RPL23: variants seen among roughly 807,000 people sequenced by gnomAD.
RPL23 encodes large ribosomal subunit protein uL14.
For missense variants in RPL23, 79 were observed against 178.8 expected, an observed-to-expected ratio of 0.44 and a Z score of 3.18; for synonymous variants, 63 against 65.3, an observed-to-expected ratio of 0.97 and a Z score of 0.17.
chr17:38,851,568 A>G (rs534411882), intron 3 of RPL23: 18 of 152,294 alleles, frequency 1.2e-4, no homozygotes, highest in African/African-American at 2.9e-4. Context: ...CCCTCCTGCC[A>G]TCTCATCTAC....
chr17:38,848,648 A>G lies in RPL23; in HGVS notation c.*1484T>C, dbSNP rs1912920930. Reference sequence around the variant, plus strand: ...TTCACAATTCTGATGTCTGAGTCCTATTCTGCAGTCTGACTTAATTGGTCT... The same window carrying G: ...TTCACAATTCTGATGTCTGAGTCCTGTTCTGCAGTCTGACTTAATTGGTCT... On this transcript the variant is annotated 3_prime_UTR_variant, in exon 5 of 5. Coordinates refer to ENST00000479035, the MANE Select transcript of RPL23 (RefSeq NM_000978.4). The G allele has an allele frequency of 6.6e-6, 1 of 152,254 alleles. No homozygotes were observed. The highest frequency in any genetic ancestry group is 1.5e-5 in the Non-Finnish European group (1 of 68,094). The allele number at this position is 152,254 out of a possible 1,614,324, so 9.4% of individuals were successfully genotyped here.
chr17:38,848,050 G>T lies in RPL23; in HGVS notation c.*2082C>A. The T allele has an allele frequency of 6.5e-7, 1 of 1,541,534 alleles. No individual in the cohort carries two copies. The highest frequency in any genetic ancestry group is 1.2e-5 in the South Asian group (1 of 82,120). ...TTACTGCACTCCAGCCTGTGTGACA[G>T]AGCAAGACTGCCTCAGAAAAGATAA... On this transcript the variant is annotated 3_prime_UTR_variant, in exon 5 of 5. Coordinates refer to ENST00000479035, the MANE Select transcript of RPL23 (RefSeq NM_000978.4).
Position 38,849,507 on chromosome 17 carries a change from T to C in RPL23, c.*625A>G, listed in dbSNP as rs2143675407. ...GGTGCGCCACCACGCCCAGCTAATT[T>C]TTGTATTTTTAGAAAAGAGGAGGTT... On this transcript the variant is annotated 3_prime_UTR_variant, in exon 5 of 5. Coordinates refer to ENST00000479035, the MANE Select transcript of RPL23 (RefSeq NM_000978.4). 6.6e-6 allele frequency: 1 copy of C among 152,194 alleles called. No homozygotes were observed. The highest frequency in any genetic ancestry group is 1.5e-5 in the Non-Finnish European group (1 of 68,026). 9.4% of individuals were successfully genotyped at this position (152,194 alleles called of 1,614,324 possible).
intron 3 of RPL23, chr17:38,851,265 G>A (rs1912994374): frequency 6.6e-6 from 1 of 152,140 alleles, no homozygotes. Flanking sequence ...AAATAGATAA[G>A]TCTAACCAAG....
In RPL23 at chr17:38,848,119, T is replaced by C. The variant is rs1433789689; in HGVS notation, c.*2013A>G. ...ATTAGTGGTTAATATATAAGGATCA[T>C]ATATTGCCATAATATATAAAGACAT... is the stretch of plus-strand genomic sequence containing the variant. On this transcript the variant is annotated 3_prime_UTR_variant, in exon 5 of 5. Coordinates refer to ENST00000479035, the MANE Select transcript of RPL23 (RefSeq NM_000978.4). 1 of 1,447,746 alleles carries C rather than the reference T, an allele frequency of 6.9e-7. No homozygotes were observed. The highest frequency in any genetic ancestry group is 1.4e-5 in the African/African-American group (1 of 69,722). 89.7% of individuals were successfully genotyped at this position (1,447,746 alleles called of 1,614,324 possible).
At position 38,847,901 on chromosome 17, in the gene RPL23, A is replaced by G; in HGVS notation, c.*2231T>C. On this transcript the variant is annotated 3_prime_UTR_variant, in exon 5 of 5. Coordinates refer to ENST00000479035, the MANE Select transcript of RPL23 (RefSeq NM_000978.4). Reference sequence around the variant, plus strand: ...AGTTTTTTAATCCAAGTCAAAAAAAATCTCCAAAGAATAAAATGTGAGGTG... The same window carrying G: ...AGTTTTTTAATCCAAGTCAAAAAAAGTCTCCAAAGAATAAAATGTGAGGTG... 2.0e-6 allele frequency: 3 copies of G among 1,498,344 alleles called. No homozygotes were observed. The highest frequency in any genetic ancestry group is 2.7e-6 in the Non-Finnish European group (3 of 1,124,486). The allele number at this position is 1,498,344 out of a possible 1,614,324, so 92.8% of individuals were successfully genotyped here.
Position 38,849,961 on chromosome 17 carries a change from T to A in RPL23, c.*171A>T. The A allele has an allele frequency of 3.7e-6, 2 of 533,426 alleles. No homozygotes were observed. Among genetic ancestry groups the A allele is most frequent in the Non-Finnish European group, 3.3e-6 (1 of 306,114 alleles). The allele number at this position is 533,426 out of a possible 1,614,324, so 33.0% of individuals were successfully genotyped here. The stretch of plus-strand genomic sequence containing the variant: ...GGTGAAACCCTGTCTCCACCAAAAA[T>A]ACAAAAACTAGCCAGGCATGACGGC... On this transcript the variant is annotated 3_prime_UTR_variant, in exon 5 of 5. Coordinates refer to ENST00000479035, the MANE Select transcript of RPL23 (RefSeq NM_000978.4).
Position 38,849,990 on chromosome 17 carries a change from T to C in RPL23, c.*142A>G, listed in dbSNP as rs1598092477. ...AAAACTAGCCAGGCATGACGGCAGGTGCCTGTAATCCCAGCTACTTAGGAG... is the reference window on the plus strand; with the variant it reads ...AAAACTAGCCAGGCATGACGGCAGGCGCCTGTAATCCCAGCTACTTAGGAG... On this transcript the variant is annotated 3_prime_UTR_variant, in exon 5 of 5. Coordinates refer to ENST00000479035, the MANE Select transcript of RPL23 (RefSeq NM_000978.4). 1 of 591,798 alleles carries C rather than the reference T, an allele frequency of 1.7e-6. No homozygotes were observed. The highest frequency in any genetic ancestry group is 1.9e-5 in the African/African-American group (1 of 52,068). The allele number at this position is 591,798 out of a possible 1,614,324, so 36.7% of individuals were successfully genotyped here.
chr17:38,852,991 G>A (rs371656936), intron 2 of RPL23, 31 bp downstream of exon 2: 3 of 1,595,550 alleles, frequency 1.9e-6, no homozygotes, highest in East Asian at 2.2e-5. Flanking sequence ...GCTTTTAAAA[G>A]GGGGAGTATA....
At chr17:38,852,519 G>T (rs1382954031) in intron 3 of RPL23, 85 bp downstream of exon 3, 6 of 1,529,380 alleles carry the variant, frequency 3.9e-6, no homozygotes, top group Non-Finnish European at 3.6e-6. Context: ...CAAACTTGAG[G>T]CCTTGAAAAC....
In RPL23 at chr17:38,853,029, G is replaced by A. The variant is rs777615381; in HGVS notation, c.90C>T (p.Asp30=). 1 of 1,614,084 alleles carries A rather than the reference G, an allele frequency of 6.2e-7. No individual in the cohort carries two copies. Among genetic ancestry groups the A allele is most frequent in the Admixed American group, 1.7e-5 (1 of 60,026 alleles). The stretch of plus-strand genomic sequence containing the variant: ...AACGTGCAAAGACCTCACCTGTGTT[G>A]TCAGCACAATTGATTACAGCTCCTA... ...LPVGAVINCA[D]NTGAKNLYII... The change falls in exon 2 of 5, where the codon GAC becomes GAT. Residue 30 remains aspartate, a synonymous_variant. Transcript: ENST00000479035.
Position 38,848,182 on chromosome 17 carries a change from C to T in RPL23, c.*1950G>A. On this transcript the variant is annotated 3_prime_UTR_variant, in exon 5 of 5. Transcript: ENST00000479035. ...TAGGGGCTTGTCACACTAAAGCTGA[C>T]TTGAAATTGACCATACTCAGGGATG... is the stretch of plus-strand genomic sequence containing the variant. 1 of 1,108,366 alleles carries T rather than the reference C, an allele frequency of 9.0e-7. No homozygotes were observed. Among genetic ancestry groups the T allele is most frequent in the Non-Finnish European group, 1.2e-6 (1 of 849,576 alleles). The allele number at this position is 1,108,366 out of a possible 1,614,324, so 68.7% of individuals were successfully genotyped here. A position where few individuals can be genotyped will look rare whatever the true frequency, so the allele number is the denominator to read the frequency against.
intron 3 of RPL23, chr17:38,851,404 A>G (rs866563278): frequency 6.6e-6 from 1 of 152,154 alleles, no homozygotes; most frequent in African/African-American, 2.4e-5. Flanking sequence ...CTTGTTATTT[A>G]TTGATATTAA....
At chr17:38,851,207 A>T (rs1402879659) in intron 3 of RPL23, 1 of 152,234 alleles carries the variant, frequency 6.6e-6, no homozygotes, top group Non-Finnish European at 1.5e-5. Context: ...CACTGATACT[A>T]GCATGGGGTC....
At chr17:38,850,659 C>T (rs1912975225) in intron 3 of RPL23, 184 bp from the exon 4 acceptor site, 2 of 519,038 alleles carry the variant, frequency 3.9e-6, no homozygotes, top group Non-Finnish European at 6.7e-6. Flanking sequence ...TGCACACTAC[C>T]ATGCCCAGAT....
rs1239176 is a variant in RPL23 at position 38,849,878 on chromosome 17, T to C, written c.*254A>G. ...TGGTCAGGGTATGTCAAAAACACTG[T>C]AGAGGCCTGGGTGGGCAGATCACTT... On this transcript the variant is annotated 3_prime_UTR_variant, in exon 5 of 5. Transcript: ENST00000479035. 158,523 of 348,344 alleles carry C rather than the reference T, an allele frequency of 0.46. 37,088 individuals carry two copies. The highest frequency in any genetic ancestry group is 0.56 in the African/African-American group (26,372 of 46,830). The allele number at this position is 348,344 out of a possible 1,614,324, so 21.6% of individuals were successfully genotyped here.
chr17:38,847,926 G>T lies in RPL23; in HGVS notation c.*2206C>A, dbSNP rs1364085148. ...ATCTCCAAAGAATAAAATGTGAGGTGGGATGCAGTGGCTCACACTTGTAAT... is the reference window on the plus strand; with the variant it reads ...ATCTCCAAAGAATAAAATGTGAGGTTGGATGCAGTGGCTCACACTTGTAAT... On this transcript the variant is annotated 3_prime_UTR_variant, in exon 5 of 5. Coordinates refer to ENST00000479035, the MANE Select transcript of RPL23 (RefSeq NM_000978.4). 6.6e-6 allele frequency: 10 copies of T among 1,526,260 alleles called. No individual in the cohort carries two copies. Among genetic ancestry groups the T allele is most frequent in the Non-Finnish European group, 8.8e-6 (10 of 1,138,444 alleles). The allele number at this position is 1,526,260 out of a possible 1,614,324, so 94.5% of individuals were successfully genotyped here. A position where few individuals can be genotyped will look rare whatever the true frequency, so the allele number is the denominator to read the frequency against.
rs1912899575 is a variant in RPL23 at position 38,847,901 on chromosome 17, AT to A, written c.*2230del. 1.3e-6 allele frequency: 2 copies of A among 1,498,226 alleles called. No homozygotes were observed. The highest frequency in any genetic ancestry group is 1.8e-6 in the Non-Finnish European group (2 of 1,124,494). The allele number at this position is 1,498,226 out of a possible 1,614,324, so 92.8% of individuals were successfully genotyped here. On this transcript the variant is annotated 3_prime_UTR_variant, in exon 5 of 5. Coordinates refer to ENST00000479035, the MANE Select transcript of RPL23 (RefSeq NM_000978.4). ...AGTTTTTTAATCCAAGTCAAAAAAAATCTCCAAAGAATAAAATGTGAGGTGG... is the reference window on the plus strand; with the variant it reads ...AGTTTTTTAATCCAAGTCAAAAAAAACTCCAAAGAATAAAATGTGAGGTGG...
Position 38,850,023 on chromosome 17 carries a change from C to A in RPL23, c.*109G>T. The stretch of plus-strand genomic sequence containing the variant: ...ATCCCAGCTACTTAGGAGGCTGAGG[C>A]AGGAGAATCGCTTGAACCCTGGAAG... On this transcript the variant is annotated 3_prime_UTR_variant, in exon 5 of 5. Coordinates refer to ENST00000479035, the MANE Select transcript of RPL23 (RefSeq NM_000978.4). 1 of 749,698 alleles carries A rather than the reference C, an allele frequency of 1.3e-6. No individual in the cohort carries two copies. Among genetic ancestry groups the A allele is most frequent in the Non-Finnish European group, 2.1e-6 (1 of 474,814 alleles). 46.4% of individuals were successfully genotyped at this position (749,698 alleles called of 1,614,324 possible). A position where few individuals can be genotyped will look rare whatever the true frequency, so the allele number is the denominator to read the frequency against.
Sources: allele counts gnomAD v4.1 joint callset, GRCh38; gene constraint gnomAD v4.1.1; transcripts MANE v1.5; gene names NCBI Gene and HGNC (gene_info 2026-07-23, HGNC 2026-07-21).